Variants in PHF21A observed in about 807,000 individuals in gnomAD.
PHF21A encodes the protein BHC80a.
Under a neutral mutation model 82.5 loss-of-function variants are expected in PHF21A, and 11 were observed. The ratio of observed to expected loss-of-function variants is 0.13; its 90% CI spans 0.08 to 0.22. The LOEUF is 0.22. Among genes scored for constraint, PHF21A ranks in the 10% least tolerant of loss-of-function variants. The pLI is 1.00. For synonymous variants in PHF21A, 297 were observed against 302.8 expected (o/e 0.98, Z 0.20); for missense variants, 579 against 837.8 (o/e 0.69, Z 3.81).
intron 6 of PHF21A, among the ~76,000 whole-genome samples, chr11:46,014,892 A>C (rs2137535179): frequency 1.0e-5 from 1 of 95,446 alleles, no homozygotes; most frequent in Non-Finnish European, 1.9e-5. Context: ...AGGCAGGAGA[A>C]TGGCGTGAAC....
intron 6 of PHF21A, 107 bp from the exon 7 acceptor site, chr11:45,980,073 T>G: frequency 6.7e-7 from 1 of 1,488,430 alleles, no homozygotes. Context: ...ATCTAAAACT[T>G]ATTACATCTA....
chr11:45,968,368 A>G (rs1174545976), intron 9 of PHF21A, among the ~76,000 whole-genome samples: 3 of 152,218 alleles, frequency 2.0e-5, no homozygotes, highest in Non-Finnish European at 2.9e-5. Flanking sequence ...CTCTGGCCCT[A>G]GTGGACTTCT....
chr11:45,997,154 G>T (rs1473881405), intron 6 of PHF21A, among the ~76,000 whole-genome samples: 1 of 152,190 alleles, frequency 6.6e-6, no homozygotes. Flanking sequence ...GAAGATGGAT[G>T]ATTAGATCTA....
At chr11:46,101,641 T>C (rs1047307502) in intron 1 of PHF21A, among the ~76,000 whole-genome samples, 2 of 152,146 alleles carry the variant, frequency 1.3e-5, no homozygotes, top group African/African-American at 2.4e-5. Flanking sequence ...ACTGAACTGA[T>C]TGACTGATTG....
chr11:46,114,539 T>C (rs576933497), intron 1 of PHF21A, among the ~76,000 whole-genome samples: 2 of 152,338 alleles, frequency 1.3e-5, no homozygotes, highest in Admixed American at 1.3e-4. Flanking sequence ...GACGGGCTAC[T>C]ATAAAGGATT....
chr11:45,935,101 C>T (rs1027982015), intron 18 of PHF21A: 2 of 1,288,540 alleles, frequency 1.6e-6, no homozygotes, highest in Non-Finnish European at 2.0e-6. Context: ...CTTGGACAGG[C>T]CGGGCTGGGC....
chr11:45,964,284 C>T (rs904645632), intron 10 of PHF21A, among the ~76,000 whole-genome samples: 4 of 151,134 alleles, frequency 2.6e-5, no homozygotes, highest in African/African-American at 7.3e-5. Context: ...TGAATAGGTT[C>T]CCCAGGAATT....
At chr11:46,037,304 T>C (rs1381972154) in intron 6 of PHF21A, among the ~76,000 whole-genome samples, 1 of 152,196 alleles carries the variant, frequency 6.6e-6, no homozygotes, top group Non-Finnish European at 1.5e-5. Flanking sequence ...CTCAGAATTC[T>C]ATGAAATTCC....
intron 10 of PHF21A, among the ~76,000 whole-genome samples, chr11:45,958,920 A>G (rs1297489295): frequency 6.6e-6 from 1 of 152,176 alleles, no homozygotes; most frequent in African/African-American, 2.4e-5. Context: ...CCTGCCTCCA[A>G]AAAAACAAAA....
At chr11:46,019,824 T>C (rs2095595249) in intron 6 of PHF21A, among the ~76,000 whole-genome samples, 4 of 152,152 alleles carry the variant, frequency 2.6e-5, no homozygotes, top group Admixed American at 2.6e-4. Flanking sequence ...TAAGAAATAT[T>C]ACATCTGTGA....
intron 1 of PHF21A, among the ~76,000 whole-genome samples, chr11:46,099,556 A>ACC (rs1555191331): frequency 6.6e-4 from 97 of 146,482 alleles, no homozygotes; most frequent in African/African-American, 2.0e-3. Context: ...ACACACACAC[A>ACC]CACACACCCT....
intron 6 of PHF21A, among the ~76,000 whole-genome samples, chr11:45,995,779 A>G (rs957948414): frequency 1.3e-5 from 2 of 152,218 alleles, no homozygotes; most frequent in East Asian, 1.9e-4. Flanking sequence ...TCAATTATAC[A>G]TGTGTAGACA....
At chr11:46,088,559 T>C (rs1262218493) in intron 3 of PHF21A, among the ~76,000 whole-genome samples, 1 of 152,226 alleles carries the variant, frequency 6.6e-6, no homozygotes, top group Non-Finnish European at 1.5e-5. Flanking sequence ...ATGCTAATTC[T>C]ACTTACTCAC....
intron 6 of PHF21A, among the ~76,000 whole-genome samples, chr11:46,047,401 T>A (rs144216894): frequency 6.6e-5 from 10 of 150,546 alleles, no homozygotes; most frequent in African/African-American, 2.0e-4. Flanking sequence ...TATTTTATAA[T>A]TTTTTTTTAT....
At chr11:46,059,754 T>G (rs916339624) in intron 6 of PHF21A, among the ~76,000 whole-genome samples, 2 of 151,944 alleles carry the variant, frequency 1.3e-5, no homozygotes, top group African/African-American at 4.8e-5. Flanking sequence ...TGAGACAGAG[T>G]CTCACTCTGT....
At chr11:46,049,574 T>C (rs1028696179) in intron 6 of PHF21A, 5 of 441,604 alleles carry the variant, frequency 1.1e-5, no homozygotes, top group East Asian at 7.0e-5. Context: ...AGAAAGAGGA[T>C]AGGAGAAAGG....
intron 6 of PHF21A, among the ~76,000 whole-genome samples, chr11:46,044,289 C>G (rs1038262655): frequency 1.3e-5 from 2 of 151,734 alleles, no homozygotes; most frequent in Non-Finnish European, 2.9e-5. Flanking sequence ...ACCAAATGTA[C>G]CTTAAATGAG....
intron 1 of PHF21A, among the ~76,000 whole-genome samples, chr11:46,100,614 T>TA (rs767262543): frequency 6.6e-5 from 10 of 152,150 alleles, no homozygotes; most frequent in Non-Finnish European, 1.3e-4. Context: ...AGATGCCAAA[T>TA]AACATCATAA....
In PHF21A at chr11:45,971,304, T is replaced by G; in HGVS notation, c.424A>C (p.Thr142Pro). 1.2e-6 allele frequency: 2 copies of G among 1,614,166 alleles called. No homozygotes were observed. The highest frequency in any genetic ancestry group is 1.7e-6 in the Non-Finnish European group (2 of 1,180,008). The change falls in exon 8 of 19, where the codon ACT (threonine) becomes CCT (proline). Residue 142 changes from threonine to proline, a missense_variant. Coordinates refer to ENST00000676320, the MANE Select transcript of PHF21A (RefSeq NM_001352027.3). ...ACCACAGAGGCAGGCATGGTCGCAG[T>G]TGCTGCTTTCAAGACGAGAGGTAGT... is the stretch of plus-strand genomic sequence containing the variant. ...KTLPLVLKAA[T>P]ATMPASVVGQ...
Sources: gnomAD v4.1 joint callset for allele counts (sites outside exome capture counted in the v4.1 genomes callset) on GRCh38, gnomAD v4.1.1 for gene constraint, MANE v1.5 for transcripts, NCBI Gene and HGNC (gene_info 2026-07-23, HGNC 2026-07-21) for gene names.